Variants in PTPRM observed in about 807,000 individuals in gnomAD.
PTPRM encodes the protein receptor-type tyrosine-protein phosphatase mu.
PTPRM carries 47 observed loss-of-function variants against 186.7 expected under a neutral mutation model. That is an observed-to-expected ratio of 0.25 (90% CI 0.20 to 0.32). The LOEUF is 0.32. Ranked by LOEUF, PTPRM falls within the 10% of genes least tolerant of loss-of-function variation. PTPRM has a pLI of 1.00. For synonymous variants in PTPRM, 668 were observed against 674.9 expected (o/e 0.99, Z 0.16); for missense variants, 1,494 against 1,865.0 (o/e 0.80, Z 3.66).
intron 1 of PTPRM, among the ~76,000 whole-genome samples, chr18:7,646,952 A>G (rs2038580040): frequency 6.6e-6 from 1 of 152,108 alleles, no homozygotes; most frequent in African/African-American, 2.4e-5. Context: ...AATGGCACGG[A>G]CAAGGAGAAA....
intron 1 of PTPRM, among the ~76,000 whole-genome samples, chr18:7,759,086 T>G (rs1317385192): frequency 6.6e-6 from 1 of 152,234 alleles, no homozygotes; most frequent in African/African-American, 2.4e-5. Flanking sequence ...ATTTGATCAT[T>G]GGTTTAAACC....
intron 1 of PTPRM, among the ~76,000 whole-genome samples, chr18:7,573,984 C>T (rs1470032399): frequency 2.6e-5 from 4 of 152,166 alleles, no homozygotes; most frequent in East Asian, 3.9e-4. Context: ...ACCCTGAATC[C>T]GCAACCCTGG....
chr18:7,921,601 C>G (rs1211731575), intron 4 of PTPRM, among the ~76,000 whole-genome samples: 1 of 152,102 alleles, frequency 6.6e-6, no homozygotes, highest in Admixed American at 6.5e-5. Flanking sequence ...AGGATGGTCT[C>G]TAACTCCTGG....
chr18:7,839,030 T>C (rs952841421), intron 2 of PTPRM, among the ~76,000 whole-genome samples: 5 of 151,918 alleles, frequency 3.3e-5, no homozygotes, highest in African/African-American at 7.3e-5. Context: ...CAGCCTGTGG[T>C]GAATGCTGCC....
chr18:7,846,811 G>A (rs1280637364), intron 2 of PTPRM, among the ~76,000 whole-genome samples: 2 of 152,112 alleles, frequency 1.3e-5, no homozygotes, highest in African/African-American at 2.4e-5. Flanking sequence ...AGTAGTTACT[G>A]CTGGCTACTA....
chr18:7,631,333 G>T (rs1302155021), intron 1 of PTPRM, among the ~76,000 whole-genome samples: 1 of 151,944 alleles, frequency 6.6e-6, no homozygotes, highest in Non-Finnish European at 1.5e-5. Context: ...CTTTCTTAAA[G>T]AATCAATAAG....
intron 11 of PTPRM, among the ~76,000 whole-genome samples, chr18:8,091,606 C>A (rs1453504305): frequency 7.8e-6 from 1 of 128,348 alleles, no homozygotes; most frequent in Non-Finnish European, 1.7e-5. Context: ...TTTTTTTTTG[C>A]AGAAAAGTGA....
At chr18:8,325,650 G>T (rs1004158565) in intron 22 of PTPRM, among the ~76,000 whole-genome samples, 3 of 152,104 alleles carry the variant, frequency 2.0e-5, no homozygotes, top group African/African-American at 7.2e-5. Context: ...TCTGAATCAC[G>T]CATGAATCAT....
At chr18:7,856,802 A>G (rs1357602575) in intron 2 of PTPRM, among the ~76,000 whole-genome samples, 2 of 151,810 alleles carry the variant, frequency 1.3e-5, no homozygotes, top group East Asian at 1.9e-4. Context: ...TGTTATCTCC[A>G]TATCTAAGCT....
Position 8,035,120 on chromosome 18 carries a change from G to A in PTPRM, c.1133-34566G>A, listed in dbSNP as rs193181813. On this transcript the variant is annotated intron_variant, in intron 7 of 32. Coordinates refer to ENST00000580170, the MANE Select transcript of PTPRM (RefSeq NM_001105244.2). ...TAATTTTAATATCCTTTGCAATCTG[G>A]ATAGCCGAGAATCTTCCAAACTATC... 2.6e-5 allele frequency among the ~76,000 whole-genome samples: 4 copies of A among 152,254 alleles called. No homozygotes were observed. In the East Asian group the frequency reaches 7.7e-4, roughly 29 times the overall value.
intron 19 of PTPRM, among the ~76,000 whole-genome samples, chr18:8,253,906 C>A (rs997913230): frequency 6.6e-6 from 1 of 152,166 alleles, no homozygotes; most frequent in Non-Finnish European, 1.5e-5. Context: ...TTCCCCTCCC[C>A]ATCCTGTTTT....
intron 14 of PTPRM, among the ~76,000 whole-genome samples, chr18:8,209,626 A>T (rs12955655): frequency 6.6e-6 from 1 of 151,916 alleles, no homozygotes; most frequent in Non-Finnish European, 1.5e-5. Flanking sequence ...GTACCTCCGA[A>T]GGTGACCTTA....
intron 14 of PTPRM, among the ~76,000 whole-genome samples, chr18:8,223,081 G>A (rs1052545747): frequency 9.9e-5 from 15 of 152,098 alleles, no homozygotes; most frequent in Admixed American, 2.0e-4. Flanking sequence ...AAAATTAGCC[G>A]GGCGTGGTGG....
At chr18:8,179,910 G>A (rs2093550281) in intron 14 of PTPRM, among the ~76,000 whole-genome samples, 1 of 152,068 alleles carries the variant, frequency 6.6e-6, no homozygotes, top group Non-Finnish European at 1.5e-5. Context: ...CTTTGAATTA[G>A]ACAACAGTCA....
chr18:7,615,043 CT>C (rs2037768839), intron 1 of PTPRM, among the ~76,000 whole-genome samples: 1 of 151,770 alleles, frequency 6.6e-6, no homozygotes, highest in South Asian at 2.1e-4. Context: ...TGGCTTTTTT[CT>C]GTATGTTAAC....
chr18:8,277,906 C>T (rs765896833), intron 19 of PTPRM, among the ~76,000 whole-genome samples: 1 of 152,084 alleles, frequency 6.6e-6, no homozygotes, highest in Non-Finnish European at 1.5e-5. Flanking sequence ...ATATGTTGTG[C>T]GTATCTGTAA....
chr18:7,686,570 CA>C (rs34267435), intron 1 of PTPRM, among the ~76,000 whole-genome samples: 2,581 of 136,268 alleles, frequency 0.019, 35 homozygotes, highest in East Asian at 0.047. Context: ...AACGGATTGC[CA>C]AAAAAAAAAA....
intron 1 of PTPRM, among the ~76,000 whole-genome samples, chr18:7,657,067 G>A (rs2038867729): frequency 6.6e-6 from 1 of 152,114 alleles, no homozygotes; most frequent in Admixed American, 6.5e-5. Context: ...CTAAAATTTG[G>A]ATTCTCAGTT....
At chr18:7,848,513 C>A (rs2046708010) in intron 2 of PTPRM, among the ~76,000 whole-genome samples, 1 of 152,090 alleles carries the variant, frequency 6.6e-6, no homozygotes, top group African/African-American at 2.4e-5. Flanking sequence ...GTGGCTCAAG[C>A]CTGTAATCCC....
Sources: gnomAD v4.1 joint callset for allele counts (sites outside exome capture counted in the v4.1 genomes callset) on GRCh38, gnomAD v4.1.1 for gene constraint, MANE v1.5 for transcripts, NCBI Gene and HGNC (gene_info 2026-07-23, HGNC 2026-07-21) for gene names.